The following PEBP4 variants were observed in gnomAD, a reference collection of about 807,000 sequenced individuals.
PEBP4 encodes the protein phosphatidylethanolamine binding protein 4.
Under a neutral mutation model 23.9 loss-of-function variants are expected in PEBP4, and 22 were observed. The ratio of observed to expected loss-of-function variants is 0.92; its 90% confidence interval spans 0.66 to 1.31. The LOEUF (loss-of-function observed/expected upper bound fraction) is 1.31. Ranked by LOEUF, PEBP4 falls within the 40% of genes most tolerant of loss-of-function variation. The pLI is 0.00. For synonymous variants in PEBP4, 112 were observed against 99.3 expected, an observed-to-expected ratio of 1.13 and a Z score of -0.76; for missense variants, 324 against 281.7, an observed-to-expected ratio of 1.15 and a Z score of -1.07.
chr8:22,791,547 T>C (rs748189400), intron 4 of PEBP4, among the ~76,000 whole-genome samples: 3 of 152,052 alleles, frequency 2.0e-5, no homozygotes, highest in Non-Finnish European at 4.4e-5. Context: ...AAGCTCTCTG[T>C]GCGTTCGCGC....
At chr8:22,830,113 T>TTGTGTGTGTGTGTGTGTGTGTGTGTGTG (rs3060706) in intron 3 of PEBP4, among the ~76,000 whole-genome samples, 4 of 144,252 alleles carry the variant, frequency 2.8e-5, no homozygotes, top group African/African-American at 7.9e-5. Flanking sequence ...GGCTGTGGTT[T>TTGTGTGTGTGTGTGTGTGTGTGTGTGTG]TGTGTGTGTG....
In PEBP4 at chr8:22,881,073, A is replaced by T. The variant is rs1808245454; in HGVS notation, c.258+39111T>A. Among the ~76,000 whole-genome samples, 3 of 152,202 alleles carry T rather than the reference A, an allele frequency of 2.0e-5. No homozygotes were observed. The South Asian group carries it at 6.2e-4, about 32-fold the overall frequency. ...GAGCCATCTAGAGGTACTGGCAGGA[A>T]ATTAAAGTGCAGGAGGGAAGAAGAA... On this transcript the variant is annotated intron_variant, in intron 3 of 6. Transcript: ENST00000256404.
chr8:22,868,924 C>T (rs913016153), intron 3 of PEBP4, among the ~76,000 whole-genome samples: 1 of 152,194 alleles, frequency 6.6e-6, no homozygotes. Flanking sequence ...CGCTCCTCTA[C>T]TCAAATCCTT....
At chr8:22,735,135 T>C (rs1406006194) in intron 4 of PEBP4, among the ~76,000 whole-genome samples, 4 of 152,184 alleles carry the variant, frequency 2.6e-5, no homozygotes, top group East Asian at 1.9e-4. Context: ...GTGTTGGAGA[T>C]AGAAATTTAA....
chr8:22,904,107 T>G (rs922179894), intron 3 of PEBP4, among the ~76,000 whole-genome samples: 5 of 152,192 alleles, frequency 3.3e-5, no homozygotes, highest in Non-Finnish European at 7.3e-5. Context: ...CAAGGCTGAT[T>G]AATGAGAAAC....
rs903955106 is a variant in PEBP4, at chr8:22,924,924, T to C, written c.131+2660A>G. 3.1e-5 allele frequency: 31 copies of C among 985,236 alleles called. No homozygotes were observed. In the African/African-American group the frequency reaches 4.2e-4, roughly 13 times the overall value. The allele number at this position is 985,236 out of a possible 1,614,324, so 61.0% of individuals were successfully genotyped here. A position where few individuals can be genotyped will look rare whatever the true frequency, so the allele number is the denominator to read the frequency against. ...CACAGTACATAAAATTCCTCCCTTA[T>C]AGATTAATACCTTTAGGCATTGAGT... On this transcript the variant is annotated intron_variant, in intron 2 of 6. Coordinates refer to ENST00000256404, the MANE Select transcript of PEBP4 (RefSeq NM_144962.3).
intron 3 of PEBP4, among the ~76,000 whole-genome samples, chr8:22,882,487 C>T (rs1194715817): frequency 2.0e-5 from 3 of 152,156 alleles, no homozygotes; most frequent in African/African-American, 7.2e-5. Context: ...TTGTCATGCA[C>T]GCATGGTGAT....
At chr8:22,862,967 A>AT (rs1407698929) in intron 3 of PEBP4, among the ~76,000 whole-genome samples, 1 of 151,792 alleles carries the variant, frequency 6.6e-6, no homozygotes, top group Non-Finnish European at 1.5e-5. Flanking sequence ...CGCCTGGATG[A>AT]TTTTTTTGTA....
intron 3 of PEBP4, among the ~76,000 whole-genome samples, chr8:22,892,477 A>C (rs747241958): frequency 5.9e-5 from 9 of 152,250 alleles, no homozygotes; most frequent in Non-Finnish European, 8.8e-5. Flanking sequence ...CCTAAGCTAC[A>C]GCCTACTTCT....
At chr8:22,904,811 A>G (rs59778122) in intron 3 of PEBP4, among the ~76,000 whole-genome samples, 21,077 of 152,276 alleles carry the variant, frequency 0.14, 1,827 homozygotes, top group East Asian at 0.24. Context: ...CTTCAAGACC[A>G]TGCTTTTTAA....
chr8:22,756,121 G>A (rs112165172), intron 4 of PEBP4: 3 of 152,346 alleles, frequency 2.0e-5, no homozygotes, highest in African/African-American at 4.8e-5. Context: ...TTAACTCCTT[G>A]TCTGAGCATC....
chr8:22,920,673 T>C (rs1462759965), intron 2 of PEBP4, among the ~76,000 whole-genome samples: 2 of 152,226 alleles, frequency 1.3e-5, no homozygotes, highest in East Asian at 3.8e-4. Flanking sequence ...GTCTTTAAAG[T>C]AGGATTGAGT....
chr8:22,805,009 C>T (rs2128759501), intron 4 of PEBP4, among the ~76,000 whole-genome samples: 1 of 152,242 alleles, frequency 6.6e-6, no homozygotes, highest in South Asian at 2.1e-4. Flanking sequence ...CCCCGCTCTC[C>T]TTCTCATCTC....
Position 22,810,877 on chromosome 8 carries a change from TGAGAGAGAGAGA to T in PEBP4, c.357+6748_357+6759del, listed in dbSNP as rs33995327. On this transcript the variant is annotated intron_variant, in intron 4 of 6. Transcript: ENST00000256404. ...GGTGGAGCACAGAATCTCAGAGTGC[TGAGAGAGAGAGA>T]GAGAGAGAGAGAGAGAGAGAGAGAG... Among the ~76,000 whole-genome samples the T allele has an allele frequency of 8.9e-3, 1,218 of 137,240 alleles. 18 individuals carry two copies. Among genetic ancestry groups the T allele is most frequent in the African/African-American group, 0.032 (1,134 of 35,716 alleles). 90.0% of individuals were successfully genotyped at this position (137,240 alleles called of 152,430 possible).
chr8:22,854,996 GCACGCA>G (rs1396780363), intron 3 of PEBP4, among the ~76,000 whole-genome samples: 2 of 75,768 alleles, frequency 2.6e-5, no homozygotes, highest in African/African-American at 1.0e-4. Context: ...GTGTGAGTAT[GCACGCA>G]CACACACACA....
At chr8:22,832,169 G>A (rs1477320945) in intron 3 of PEBP4, among the ~76,000 whole-genome samples, 4 of 152,192 alleles carry the variant, frequency 2.6e-5, no homozygotes, top group Non-Finnish European at 5.9e-5. Flanking sequence ...CCTCTGTAGT[G>A]CAGCAATGCT....
At chr8:22,895,301 CA>C (rs1808568429) in intron 3 of PEBP4, 1 of 152,076 alleles carries the variant, frequency 6.6e-6, no homozygotes. Context: ...TGATATAAAG[CA>C]AGGAATCTTA....
At chr8:22,758,702 C>T (rs1585257626) in intron 4 of PEBP4, among the ~76,000 whole-genome samples, 2 of 152,194 alleles carry the variant, frequency 1.3e-5, no homozygotes, top group African/African-American at 4.8e-5. Flanking sequence ...ACATGTACCC[C>T]ATAGCAGGCT....
intron 4 of PEBP4, among the ~76,000 whole-genome samples, chr8:22,808,615 G>T (rs191572760): frequency 1.1e-4 from 16 of 152,278 alleles, no homozygotes; most frequent in Admixed American, 2.6e-4. Flanking sequence ...CAAGCCTTTC[G>T]GCAGAGGTGA....
Sources: gnomAD v4.1 joint callset for allele counts (sites outside exome capture counted in the v4.1 genomes callset) on GRCh38, gnomAD v4.1.1 for gene constraint, MANE v1.5 for transcripts, NCBI Gene and HGNC (gene_info 2026-07-23, HGNC 2026-07-21) for gene names.